The following NPAS3 variants were observed in gnomAD, a reference collection of about 807,000 sequenced individuals.
The protein encoded by NPAS3 is neuronal PAS domain protein 3, also known as neuronal PAS domain-containing protein 3.
Under a neutral mutation model 73.1 loss-of-function variants are expected in NPAS3, and 14 were observed. The ratio of observed to expected loss-of-function variants is 0.19; its 90% confidence interval spans 0.13 to 0.30. The LOEUF (loss-of-function observed/expected upper bound fraction) is 0.30. Ranked by LOEUF, NPAS3 falls within the 10% of genes least tolerant of loss-of-function variation. The probability of loss-of-function intolerance (pLI) is 1.00; values close to 1 mark genes in which losing one functional copy is unlikely to be tolerated. For synonymous variants in NPAS3, 620 were observed against 541.5 expected (o/e 1.14, Z -2.01); for missense variants, 1,096 against 1,250.0 (o/e 0.88, Z 1.86).
At chr14:33,213,093 G>A (rs7161423) in intron 2 of NPAS3, among the ~76,000 whole-genome samples, 14,190 of 152,238 alleles carry the variant, frequency 0.093, 797 homozygotes, top group Non-Finnish European at 0.13. Context: ...GGCTCAAACT[G>A]TGCTACCTCT....
At chr14:33,000,988 T>C (rs569510802) in intron 1 of NPAS3, among the ~76,000 whole-genome samples, 152 of 152,346 alleles carry the variant, frequency 1.0e-3, no homozygotes, top group Non-Finnish European at 1.9e-3. Flanking sequence ...GACATACGTT[T>C]CTTTTGGAAA....
At chr14:33,155,633 G>A (rs1286910613) in intron 2 of NPAS3, among the ~76,000 whole-genome samples, 1 of 152,146 alleles carries the variant, frequency 6.6e-6, no homozygotes, top group African/African-American at 2.4e-5. Context: ...CCAGAGCCAA[G>A]TTTCCTTAGC....
rs58411120 is a variant in NPAS3 at position 33,328,446 on chromosome 14, C to CTTTTTTTTTTTTTTTTTTTTTTTTTT, written c.386-38727_386-38702dup. On this transcript the variant is annotated intron_variant, in intron 3 of 11. Transcript: ENST00000356141. ...TTTATCTTTCTTTTCCTTTTCTTTTCTTTTTTTTTTTTTTTTTTTTTTTTT... is the reference window on the plus strand; with the variant it reads ...TTTATCTTTCTTTTCCTTTTCTTTTCTTTTTTTTTTTTTTTTTTTTTTTTTTTTTTTTTTTTTTTTTTTTTTTTTTT... 8.1e-5 allele frequency among the ~76,000 whole-genome samples: 4 copies of CTTTTTTTTTTTTTTTTTTTTTTTTTT among 49,598 alleles called. 1 individual carries two copies. The highest frequency in any genetic ancestry group is 1.5e-4 in the Non-Finnish European group (4 of 26,756). The allele number at this position is 49,598 out of a possible 152,430, so 32.5% of individuals were successfully genotyped here.
chr14:33,174,398 G>T (rs1447947210), intron 2 of NPAS3, among the ~76,000 whole-genome samples: 1 of 152,240 alleles, frequency 6.6e-6, no homozygotes, highest in Non-Finnish European at 1.5e-5. Context: ...TGAGATGCAT[G>T]TGTGCCAAAT....
intron 4 of NPAS3, among the ~76,000 whole-genome samples, chr14:33,380,673 A>T (rs2046507598): frequency 1.3e-5 from 2 of 152,188 alleles, no homozygotes; most frequent in South Asian, 4.1e-4. Flanking sequence ...AAAAATAAAC[A>T]TTTGGGAGAA....
At chr14:33,084,305 A>G (rs2041952741) in intron 2 of NPAS3, among the ~76,000 whole-genome samples, 1 of 152,176 alleles carries the variant, frequency 6.6e-6, no homozygotes, top group South Asian at 2.1e-4. Flanking sequence ...TCCACTATAT[A>G]TGCTTGGGTC....
chr14:33,458,780 T>C (rs767344922), intron 4 of NPAS3, among the ~76,000 whole-genome samples: 12 of 152,206 alleles, frequency 7.9e-5, no homozygotes, highest in Non-Finnish European at 1.8e-4. Flanking sequence ...AGAAAAAGGA[T>C]ACTAGGCAGT....
chr14:33,790,551 T>A lies in NPAS3; in HGVS notation c.1154-3346T>A, dbSNP rs546236606. Among the ~76,000 whole-genome samples the A allele has an allele frequency of 1.8e-3, 250 of 141,342 alleles. 1 individual carries two copies. The highest frequency in any genetic ancestry group is 6.3e-3 in the African/African-American group (236 of 37,760). The allele number at this position is 141,342 out of a possible 152,430, so 92.7% of individuals were successfully genotyped here. On this transcript the variant is annotated intron_variant, in intron 9 of 11. Coordinates refer to ENST00000356141, the Ensembl canonical transcript of NPAS3. ...GATCCAACTGATTTGCCAGTATGAC[T>A]TTTTTTTTTTTTTTCCAAGGAAAGA...
At chr14:33,658,570 G>C (rs1032004790) in intron 5 of NPAS3, among the ~76,000 whole-genome samples, 1 of 152,134 alleles carries the variant, frequency 6.6e-6, no homozygotes, top group African/African-American at 2.4e-5. Flanking sequence ...CCAGTATAGA[G>C]CTGCTCTAGT....
rs571164219 is a variant in NPAS3 at position 33,735,193 on chromosome 14, CTG to C, written c.734-19_734-18del. The C allele has an allele frequency of 7.2e-5, 111 of 1,541,290 alleles. No individual in the cohort carries two copies. The African/African-American group carries it at 1.2e-3, about 17-fold the overall frequency. On this transcript the variant is annotated intron_variant, in intron 6 of 11. Transcript: ENST00000356141. ...GTGTCAAGATCTAAATCGTGTGTGT[CTG>C]TATTTTTGTATTCCTCAGTGGAGTC...
At chr14:33,225,830 C>A (rs1405421911) in intron 3 of NPAS3, among the ~76,000 whole-genome samples, 1 of 152,036 alleles carries the variant, frequency 6.6e-6, no homozygotes, top group Admixed American at 6.6e-5. Flanking sequence ...ACTTAGGTAC[C>A]TATTTTAGAA....
chr14:33,450,914 A>G (rs1480442507), intron 4 of NPAS3, among the ~76,000 whole-genome samples: 1 of 152,204 alleles, frequency 6.6e-6, no homozygotes, highest in Non-Finnish European at 1.5e-5. Context: ...CATGAGACAA[A>G]TATGCTTTAA....
intron 1 of NPAS3, among the ~76,000 whole-genome samples, chr14:32,980,701 A>G (rs1250256102): frequency 6.6e-6 from 1 of 152,108 alleles, no homozygotes; most frequent in Non-Finnish European, 1.5e-5. Flanking sequence ...GGCAGTACTA[A>G]TTTGTATTAA....
At chr14:33,112,210 G>A (rs1343843916) in intron 2 of NPAS3, among the ~76,000 whole-genome samples, 3 of 152,134 alleles carry the variant, frequency 2.0e-5, no homozygotes, top group Non-Finnish European at 4.4e-5. Context: ...GGGTCAAATG[G>A]TATTTCTAGT....
intron 5 of NPAS3, among the ~76,000 whole-genome samples, chr14:33,567,100 C>T (rs1387691268): frequency 1.3e-5 from 2 of 152,150 alleles, no homozygotes; most frequent in Non-Finnish European, 2.9e-5. Flanking sequence ...CAGTAATCTT[C>T]CTGCCACACA....
At chr14:33,140,228 C>T (rs7155495) in intron 2 of NPAS3, among the ~76,000 whole-genome samples, 54,505 of 151,704 alleles carry the variant, frequency 0.36, 10,242 homozygotes, top group African/African-American at 0.47. Context: ...AAATATCCCA[C>T]GAAAATGAGG....
At chr14:33,760,001 C>A (rs926413674) in intron 7 of NPAS3, among the ~76,000 whole-genome samples, 2 of 152,186 alleles carry the variant, frequency 1.3e-5, no homozygotes, top group Admixed American at 6.5e-5. Flanking sequence ...CCAGCTGAAT[C>A]TTCACTTGAA....
chr14:33,005,566 G>A (rs926350341), intron 1 of NPAS3, among the ~76,000 whole-genome samples: 1 of 152,042 alleles, frequency 6.6e-6, no homozygotes, highest in African/African-American at 2.4e-5. Context: ...TTCCACCTAG[G>A]GAAGGCATCC....
chr14:33,724,779 CAAT>C (rs2061217472), intron 6 of NPAS3, among the ~76,000 whole-genome samples: 1 of 151,014 alleles, frequency 6.6e-6, no homozygotes, highest in African/African-American at 2.4e-5. Flanking sequence ...TTAAAGGTGG[CAAT>C]AATATGAACA....
Sources: gnomAD v4.1 joint callset for allele counts (sites outside exome capture counted in the v4.1 genomes callset) on GRCh38, gnomAD v4.1.1 for gene constraint, MANE v1.5 for transcripts, NCBI Gene and HGNC (gene_info 2026-07-23, HGNC 2026-07-21) for gene names.